SKOR1: variants seen among roughly 807,000 people sequenced by gnomAD.
The protein encoded by SKOR1 is SKI family transcriptional corepressor 1.
In SKOR1, 38 loss-of-function variants were observed where a neutral mutation model predicts 72.4. The ratio of observed to expected loss-of-function variants is 0.52; its 90% CI spans 0.40 to 0.69. SKOR1 has a LOEUF of 0.69. Ranked by LOEUF, SKOR1 falls within the 30% of genes least tolerant of loss-of-function variation. The pLI, the probability that SKOR1 is intolerant of heterozygous loss-of-function variation, is 0.00. For synonymous variants in SKOR1, 642 were observed against 599.4 expected, an observed-to-expected ratio of 1.07 and a Z score of -1.04; for missense variants, 1,320 against 1,343.2, an observed-to-expected ratio of 0.98 and a Z score of 0.27.
chr15:67,827,563 C>A lies in SKOR1; in HGVS notation c.1735C>A (p.Pro579Thr), dbSNP rs766249577. ...GCTGCCACCGCCCCTGGCCCCGTTGCCCCCGCCGCCCCCGCCGCCCGCACG... is the reference window on the plus strand; with the variant it reads ...GCTGCCACCGCCCCTGGCCCCGTTGACCCCGCCGCCCCCGCCGCCCGCACG... The part of the protein sequence containing the change: ...EALPPPLAPL[P>T]PPPPPPARKG... Residue 579 changes from proline (P) to threonine (T), a missense_variant, in exon 2 of 9, where the codon CCC becomes ACC. Transcript: ENST00000380035. 4.0e-6 allele frequency: 6 copies of A among 1,515,524 alleles called. No individual in the cohort carries two copies. In the South Asian group the frequency reaches 6.1e-5, roughly 15 times the overall value. 93.9% of individuals were successfully genotyped at this position (1,515,524 alleles called of 1,614,324 possible). A position where few individuals can be genotyped will look rare whatever the true frequency, so the allele number is the denominator to read the frequency against.
chr15:67,828,485 A>C (rs2090983453), intron 2 of SKOR1, among the ~76,000 whole-genome samples: 1 of 152,214 alleles, frequency 6.6e-6, no homozygotes, highest in Admixed American at 6.5e-5. Flanking sequence ...GTAAGAAAGG[A>C]ACCCAGAGCC....
chr15:67,828,276 G>T (rs1300538970), intron 2 of SKOR1, 132 bp downstream of exon 2: 7 of 1,334,560 alleles, frequency 5.2e-6, no homozygotes, highest in East Asian at 6.2e-5. Flanking sequence ...GCCACTCTCC[G>T]CAGGCCCAGC....
chr15:67,828,291 G>C, intron 2 of SKOR1, 147 bp downstream of exon 2: 1 of 1,326,582 alleles, frequency 7.5e-7, no homozygotes, highest in Non-Finnish European at 9.6e-7. Context: ...CCCAGCCTTG[G>C]GCGCGCTGCG....
chr15:67,830,314 A>C lies in SKOR1; in HGVS notation c.2515+16A>C, dbSNP rs1232075369. The C allele has an allele frequency of 2.5e-6, 4 of 1,611,818 alleles. No homozygotes were observed. In the African/African-American group the frequency reaches 5.3e-5, roughly 22 times the overall value. On this transcript the variant is annotated intron_variant, in intron 4 of 8. Coordinates refer to ENST00000380035, the MANE Select transcript of SKOR1 (RefSeq NM_001365915.1). The stretch of plus-strand genomic sequence containing the variant: ...ACAGACAGAGGTGAGCCAGCCCTTG[A>C]ACCCATCGCTCTCCACCGCACCCAG...
intron 5 of SKOR1, 50 bp downstream of exon 5, chr15:67,830,939 G>C (rs982795306): frequency 6.4e-7 from 1 of 1,570,398 alleles, no homozygotes; most frequent in Non-Finnish European, 8.8e-7. Flanking sequence ...AGAGTGATGG[G>C]TCATTCCTGT....
chr15:67,828,988 C>T (rs2090987341), intron 2 of SKOR1, among the ~76,000 whole-genome samples, 191 bp from the exon 3 acceptor site: 1 of 152,140 alleles, frequency 6.6e-6, no homozygotes, highest in African/African-American at 2.4e-5. Context: ...CCCGAGGGCG[C>T]TAACAATTAC....
Position 67,828,138 on chromosome 15 carries a change from G to T in SKOR1, c.2310G>T (p.Pro770=). 1 of 1,474,738 alleles carries T rather than the reference G, an allele frequency of 6.8e-7. No homozygotes were observed. The allele number at this position is 1,474,738 out of a possible 1,614,324, so 91.4% of individuals were successfully genotyped here. A position where few individuals can be genotyped will look rare whatever the true frequency, so the allele number is the denominator to read the frequency against. Residue 770 remains proline (P), a synonymous_variant, in exon 2 of 9, where the codon CCG becomes CCT. Transcript: ENST00000380035. ...EPCGPLGGPA[P]AKVFAPERDE... is the part of the protein sequence containing the mutation. The stretch of plus-strand genomic sequence containing the variant: ...GCGGGCCCCTAGGAGGCCCCGCGCC[G>T]GCCAAGGTGAGCCCCGCGCCCGCCC...
chr15:67,829,235 C>T lies in SKOR1; in HGVS notation c.2373C>T (p.Pro791=). The T allele has an allele frequency of 1.3e-6, 2 of 1,571,734 alleles. No individual in the cohort carries two copies. The highest frequency in any genetic ancestry group is 1.7e-6 in the Non-Finnish European group (2 of 1,166,444). ...HVKSAAVALG[P]AASYVCTPEA... ...AGAGCGCGGCGGTGGCGCTGGGGCC[C>T]GCGGCCTCCTACGTCTGCACCCCCG... The change falls in exon 3 of 9, where the codon CCC becomes CCT. Residue 791 remains proline, a synonymous_variant. Coordinates refer to ENST00000380035, the MANE Select transcript of SKOR1 (RefSeq NM_001365915.1).
In SKOR1 at chr15:67,826,584, T is replaced by G. The variant is rs899360267; in HGVS notation, c.756T>G (p.Ser252Arg). The change falls in exon 2 of 9, where the codon AGT becomes AGG. Residue 252 changes from serine (S) to arginine (R), a missense_variant. Coordinates refer to ENST00000380035, the MANE Select transcript of SKOR1 (RefSeq NM_001365915.1). ...CCTGGCGTCGTCACCTCAAACTCAGTGACAAGTCGGCCACAGACGAACTGA... is the reference window on the plus strand; with the variant it reads ...CCTGGCGTCGTCACCTCAAACTCAGGGACAAGTCGGCCACAGACGAACTGA... The part of the protein sequence containing the change: ...FNSWRRHLKL[S>R]DKSATDELSH... 2.5e-6 allele frequency: 4 copies of G among 1,613,864 alleles called. No individual in the cohort carries two copies. The African/African-American group carries it at 4.0e-5, about 16-fold the overall frequency.
intron 5 of SKOR1, among the ~76,000 whole-genome samples, chr15:67,831,572 A>C (rs1251720279): frequency 1.3e-5 from 2 of 152,142 alleles, no homozygotes; most frequent in African/African-American, 4.8e-5. Context: ...CAGTTGCCAC[A>C]TCTATCCCTC....
chr15:67,830,931 A>G (rs1188661242), intron 5 of SKOR1, 42 bp downstream of exon 5: 2 of 1,587,340 alleles, frequency 1.3e-6, no homozygotes, highest in African/African-American at 1.3e-5. Context: ...TGTGCTTGAG[A>G]GTGATGGGTC....
Position 67,832,232 on chromosome 15 carries a change from G to T in SKOR1, c.2588-42G>T. 6.3e-7 allele frequency: 1 copy of T among 1,596,348 alleles called. No homozygotes were observed. The highest frequency in any genetic ancestry group is 8.6e-7 in the Non-Finnish European group (1 of 1,164,308). On this transcript the variant is annotated intron_variant, in intron 5 of 8. Transcript: ENST00000380035. This position sits in a 1 kb window ranked among gnomAD's most constrained non-coding sequence, Gnocchi z 4.5. Reference sequence around the variant, plus strand: ...CAGAACCTGAGCTCCAAATAACCCTGCTTTACCTCCCACTTTACCTCCCAC... The same window carrying T: ...CAGAACCTGAGCTCCAAATAACCCTTCTTTACCTCCCACTTTACCTCCCAC...
chr15:67,829,040 T>G, intron 2 of SKOR1, 139 bp from the exon 3 acceptor site: 1 of 703,338 alleles, frequency 1.4e-6, no homozygotes, highest in Non-Finnish European at 2.3e-6. Flanking sequence ...CGTGCGTCAC[T>G]GTGCCCGCTC....
rs1287961507 is a variant in SKOR1 at position 67,827,019 on chromosome 15, C to T, written c.1191C>T (p.Tyr397=). The T allele has an allele frequency of 2.5e-6, 4 of 1,592,514 alleles. No homozygotes were observed. Among genetic ancestry groups the T allele is most frequent in the Non-Finnish European group, 3.4e-6 (4 of 1,177,206 alleles). Residue 397 remains tyrosine, a synonymous_variant, in exon 2 of 9, where the codon TAC becomes TAT. Transcript: ENST00000380035. ...CCCCACCACTTTTCCCCCATCCTTA[C>T]GGCTTCCCTACGGCCTTCGGCCTAT... The part of the protein sequence containing the change: ...KLPPPLFPHP[Y]GFPTAFGLCP...
chr15:67,828,091 G>A lies in SKOR1; in HGVS notation c.2263G>A (p.Gly755Ser). 5.3e-6 allele frequency: 8 copies of A among 1,522,878 alleles called. No homozygotes were observed. The highest frequency in any genetic ancestry group is 7.0e-6 in the Non-Finnish European group (8 of 1,140,710). The allele number at this position is 1,522,878 out of a possible 1,614,324, so 94.3% of individuals were successfully genotyped here. ...GAGGAGCCCGCCAAGCGGCGGCGGC[G>A]GCTACGAGCTGCGAGAGCCTTGCGG... ...PERSPPSGGG[G>S]YELREPCGPL... The change falls in exon 2 of 9, where the codon GGC (glycine) becomes AGC (serine). Residue 755 changes from glycine (G) to serine (S), a missense_variant. Transcript: ENST00000380035.
At position 67,833,750 on chromosome 15, in the gene SKOR1, G is replaced by T. The variant is rs1267686049; in HGVS notation, c.2812G>T (p.Asp938Tyr). The T allele has an allele frequency of 1.2e-6, 2 of 1,613,646 alleles. No homozygotes were observed. Among genetic ancestry groups the T allele is most frequent in the Admixed American group, 1.7e-5 (1 of 60,024 alleles). The change falls in exon 9 of 9, where the codon GAC becomes TAC. Residue 938 changes from aspartate to tyrosine, a missense_variant. Transcript: ENST00000380035. This position sits in a 1 kb window ranked among gnomAD's most constrained non-coding sequence, Gnocchi z 6.0. ...CGCGACTGTCTCCCCAGAAGCCCAC[G>T]ACGCCCTGCACCATTTCTCCTGCAA... ...AIQQKLKEAH[D>Y]ALHHFSCKML...
rs548588160 is a variant in SKOR1, at chr15:67,826,923, C to T, written c.1095C>T (p.Gly365=). ...CGGCGGGCCCAGGAGGGCCCGGTGGCGGCGCCGGCGTACGAAGCTACCCGG... is the reference window on the plus strand; with the variant it reads ...CGGCGGGCCCAGGAGGGCCCGGTGGTGGCGCCGGCGTACGAAGCTACCCGG... The part of the protein sequence containing the change: ...SGPAGPGGPG[G]GAGVRSYPVI... Residue 365 remains glycine, a synonymous_variant, in exon 2 of 9, where the codon GGC becomes GGT. Transcript: ENST00000380035. The T allele has an allele frequency of 2.6e-6, 4 of 1,563,800 alleles. No homozygotes were observed. Among genetic ancestry groups the T allele is most frequent in the African/African-American group, 1.4e-5 (1 of 73,250 alleles).
chr15:67,827,654 A>G lies in SKOR1; in HGVS notation c.1826A>G (p.Tyr609Cys). Residue 609 changes from tyrosine (Y) to cysteine (C), a missense_variant, in exon 2 of 9, where the codon TAC becomes TGC. Physicochemically the swap from Tyr to Cys is radical, Grantham distance 194. Around this residue, in one of 3 missense-constraint regions of SKOR1, gnomAD observed 1,099 missense variants for 1,025.5 expected, o/e 1.07. Transcript: ENST00000380035. ...VKDTESIAKL[Y>C]GSAREAYGAG... is the part of the protein sequence containing the mutation. ...GACACCGAGAGCATCGCTAAGCTCT[A>G]CGGGAGCGCCCGGGAGGCGTACGGC... is the stretch of plus-strand genomic sequence containing the variant. 6.5e-7 allele frequency: 1 copy of G among 1,532,430 alleles called. No homozygotes were observed. The allele number at this position is 1,532,430 out of a possible 1,614,324, so 94.9% of individuals were successfully genotyped here.
In SKOR1 at chr15:67,827,528, C is replaced by T. The variant is rs1283803696; in HGVS notation, c.1700C>T (p.Thr567Met). The change falls in exon 2 of 9, where the codon ACG (threonine) becomes ATG (methionine). Residue 567 changes from threonine (T) to methionine (M), a missense_variant. Physicochemically the swap from Thr to Met is moderately conservative, Grantham distance 81. Transcript: ENST00000380035. Reference protein sequence around the residue: ...LSRGPLDEDGTDEALPPPLAP... With the variant: ...LSRGPLDEDGMDEALPPPLAP... ...CGCGGGCCCCTGGACGAAGACGGCA[C>T]GGACGAGGCGCTGCCACCGCCCCTG... 4 of 1,521,776 alleles carry T rather than the reference C, an allele frequency of 2.6e-6. No individual in the cohort carries two copies. The highest frequency in any genetic ancestry group is 2.0e-5 in the Admixed American group (1 of 49,478). The allele number at this position is 1,521,776 out of a possible 1,614,324, so 94.3% of individuals were successfully genotyped here.
Sources: gnomAD v4.1 joint callset for allele counts (sites outside exome capture counted in the v4.1 genomes callset) on GRCh38, gnomAD v4.1.1 for gene constraint, gnomAD v4.1.1 regional missense constraint, Gnocchi (gnomAD v3.1) non-coding constraint, MANE v1.5 for transcripts, NCBI Gene and HGNC (gene_info 2026-07-23, HGNC 2026-07-21) for gene names.